The following MCM4 variants were observed in gnomAD, a reference collection of about 807,000 sequenced individuals.
The protein encoded by MCM4 is minichromosome maintenance complex component 4.
In MCM4, 60 loss-of-function variants were observed where a neutral mutation model predicts 88.7. That is an observed-to-expected ratio of 0.68 (90% CI 0.55 to 0.84). MCM4 has a LOEUF of 0.84. Among genes scored for constraint, MCM4 ranks in the 40% least tolerant of loss-of-function variants. The probability of loss-of-function intolerance (pLI) is 0.00; values close to 1 mark genes in which losing one functional copy is unlikely to be tolerated. For synonymous variants in MCM4, 465 were observed against 410.5 expected (o/e 1.13, Z -1.61); for missense variants, 1,149 against 1,105.5 (o/e 1.04, Z -0.56).
chr8:47,969,574 C>T, intron 10 of MCM4: 1 of 565,290 alleles, frequency 1.8e-6, no homozygotes, highest in Non-Finnish European at 3.2e-6. Context: ...TGTCCGTTTC[C>T]TGCTGCTATT....
Position 47,972,997 on chromosome 8 carries a change from ACATTGC to A in MCM4, c.2071_2076del (p.Ile691_Ala692del). ...CTGGACATGGCGGTGCTAAAGGACT[ACATTGC>A]CTACGCGCACAGCACCATCATGCCG... On this transcript the variant is annotated inframe_deletion, in exon 14 of 17. Transcript: ENST00000649973. The A allele has an allele frequency of 6.2e-7, 1 of 1,614,122 alleles. No individual in the cohort carries two copies. Among genetic ancestry groups the A allele is most frequent in the Non-Finnish European group, 8.5e-7 (1 of 1,180,014 alleles).
At chr8:47,971,502 A>G in intron 13 of MCM4, 34 bp downstream of exon 13, 1 of 1,607,294 alleles carries the variant, frequency 6.2e-7, no homozygotes, top group Non-Finnish European at 8.5e-7. Context: ...GTTCATTTGT[A>G]GAATATTCAG....
chr8:47,972,617 C>T (rs188793759), intron 13 of MCM4, among the ~76,000 whole-genome samples: 4 of 152,150 alleles, frequency 2.6e-5, no homozygotes, highest in South Asian at 2.1e-4. Context: ...AGTGCAGTGA[C>T]GCGAACTTGG....
chr8:47,970,374 T>C (rs1394682400), intron 11 of MCM4, 137 bp from the exon 12 acceptor site: 1 of 1,128,596 alleles, frequency 8.9e-7, no homozygotes, highest in Non-Finnish European at 1.3e-6. Context: ...TCAAGCACTT[T>C]CACGAGCCTT....
rs568361562 is a variant in MCM4, at chr8:47,972,439, C to T, written c.1929-418C>T. On this transcript the variant is annotated intron_variant, in intron 13 of 16. Transcript: ENST00000649973. ...AGGCAAAGATGCTTCTCCCTGATGG[C>T]GCTCACAGGGTGCACATTGACTGCA... Among the ~76,000 whole-genome samples the T allele has an allele frequency of 3.3e-5, 5 of 152,188 alleles. No individual in the cohort carries two copies. The East Asian group carries it at 7.7e-4, about 23-fold the overall frequency.
At chr8:47,961,279 C>A in intron 2 of MCM4, 65 bp downstream of exon 2, 1 of 1,424,596 alleles carries the variant, frequency 7.0e-7, no homozygotes, top group Non-Finnish European at 9.1e-7. Flanking sequence ...CTCGCCGCAG[C>A]TGGCAGCGCT....
intron 2 of MCM4, 69 bp downstream of exon 2, chr8:47,961,283 C>T (rs1589826306): frequency 1.4e-6 from 2 of 1,425,574 alleles, no homozygotes; most frequent in Non-Finnish European, 1.8e-6. Context: ...CCGCAGCTGG[C>T]AGCGCTGGGT....
intron 10 of MCM4, among the ~76,000 whole-genome samples, chr8:47,968,540 A>G (rs2090921981): frequency 6.6e-6 from 1 of 152,216 alleles, no homozygotes; most frequent in South Asian, 2.1e-4. Flanking sequence ...GGGCTGTGGA[A>G]AGTGCTGTGT....
At chr8:47,961,716 A>G in intron 3 of MCM4, 36 bp downstream of exon 3, 1 of 1,574,386 alleles carries the variant, frequency 6.4e-7, no homozygotes, top group Non-Finnish European at 8.6e-7. Flanking sequence ...GCTGTGCTTG[A>G]TACACAGCTG....
At chr8:47,967,027 A>C (rs1221619145) in intron 9 of MCM4, among the ~76,000 whole-genome samples, 1 of 152,248 alleles carries the variant, frequency 6.6e-6, no homozygotes, top group Non-Finnish European at 1.5e-5. Context: ...TCTCAGAATC[A>C]TGCAGGCCCC....
intron 2 of MCM4, 34 bp downstream of exon 2, chr8:47,961,248 C>T: frequency 1.4e-6 from 2 of 1,458,490 alleles, no homozygotes; most frequent in Non-Finnish European, 1.8e-6. Flanking sequence ...CTACAGCCCC[C>T]GGCGCCGCCC....
intron 7 of MCM4, among the ~76,000 whole-genome samples, chr8:47,963,621 G>A (rs2090868668): frequency 6.6e-6 from 1 of 152,052 alleles, no homozygotes; most frequent in Non-Finnish European, 1.5e-5. Flanking sequence ...TAGCTTCTTG[G>A]GTTTCATGAA....
At chr8:47,967,594 T>C in intron 10 of MCM4, 109 bp downstream of exon 10, 3 of 1,397,248 alleles carry the variant, frequency 2.1e-6, no homozygotes, top group Non-Finnish European at 2.0e-6. Context: ...CCTCCAGTTG[T>C]CACTGCTTGT....
chr8:47,964,587 C>G lies in MCM4; in HGVS notation c.707C>G (p.Thr236Ser). ...TTGTTTTTACAGGAAGTTATTCCAA[C>G]TTTTGACATGGCTGTCAATGAAATC... ...LISYPQEVIP[T>S]FDMAVNEIFF... Residue 236 changes from threonine (T) to serine (S), a missense_variant, in exon 8 of 17, where the codon ACT (threonine) becomes AGT (serine). Coordinates refer to ENST00000649973, the MANE Select transcript of MCM4 (RefSeq NM_182746.3). The G allele has an allele frequency of 6.3e-7, 1 of 1,592,184 alleles. No individual in the cohort carries two copies. The highest frequency in any genetic ancestry group is 8.5e-7 in the Non-Finnish European group (1 of 1,174,168).
chr8:47,969,558 C>T (rs971029570), intron 10 of MCM4: 9 of 536,258 alleles, frequency 1.7e-5, no homozygotes, highest in East Asian at 1.2e-4. Context: ...TTGGTTCTTT[C>T]GAGCTTGTCC....
chr8:47,970,412 G>C, intron 11 of MCM4, 99 bp from the exon 12 acceptor site: 1 of 1,420,082 alleles, frequency 7.0e-7, no homozygotes, highest in Non-Finnish European at 9.5e-7. Flanking sequence ...TTTCTTAATT[G>C]TAGTTCTTTA....
intron 13 of MCM4, among the ~76,000 whole-genome samples, chr8:47,972,160 G>T (rs762421826): frequency 6.6e-6 from 1 of 151,326 alleles, no homozygotes; most frequent in Non-Finnish European, 1.5e-5. Context: ...GCTTGAGCCT[G>T]GGGGAGTGGA....
intron 14 of MCM4, among the ~76,000 whole-genome samples, chr8:47,973,386 G>T (rs1406438392): frequency 6.6e-6 from 1 of 152,202 alleles, no homozygotes; most frequent in Non-Finnish European, 1.5e-5. Context: ...GTGTTGGCCA[G>T]GCTGGTCTTG....
intron 9 of MCM4, 105 bp downstream of exon 9, chr8:47,966,512 C>A: frequency 1.8e-6 from 2 of 1,119,576 alleles, no homozygotes; most frequent in Non-Finnish European, 2.5e-6. Context: ...TCCCGAATGG[C>A]ATCCATCCCT....
Sources: allele counts gnomAD v4.1 joint callset (sites outside exome capture counted in the v4.1 genomes callset), GRCh38; gene constraint gnomAD v4.1.1; transcripts MANE v1.5; gene names NCBI Gene and HGNC (gene_info 2026-07-23, HGNC 2026-07-21).